Variants in KIFC1 observed in about 807,000 individuals in gnomAD.
The protein encoded by KIFC1 is kinesin-like protein KIFC1.
In KIFC1, 37 loss-of-function variants were observed where a neutral mutation model predicts 66.6. The observed-to-expected ratio is 0.56, with a 90% CI of 0.43 to 0.73. The LOEUF (loss-of-function observed/expected upper bound fraction) is 0.73. Ranked by LOEUF, KIFC1 falls within the 30% of genes least tolerant of loss-of-function variation. KIFC1 has a pLI of 0.00. For synonymous variants in KIFC1, 325 were observed against 343.5 expected, an observed-to-expected ratio of 0.95 and a Z score of 0.60; for missense variants, 721 against 859.8, an observed-to-expected ratio of 0.84 and a Z score of 2.02.
chr6:33,396,766 C>T (rs1447941277), intron 1 of KIFC1, among the ~76,000 whole-genome samples: 3 of 151,546 alleles, frequency 2.0e-5, no homozygotes, highest in Non-Finnish European at 2.9e-5. Context: ...ACTGCAAGCT[C>T]CGCCTCCCGG....
chr6:33,403,101 TG>T lies in KIFC1; in HGVS notation c.251-211del, dbSNP rs940017395. Among the ~76,000 whole-genome samples the T allele has an allele frequency of 2.6e-5, 4 of 152,128 alleles. No individual in the cohort carries two copies. The highest frequency in any genetic ancestry group is 4.4e-5 in the Non-Finnish European group (3 of 68,012). On this transcript the variant is annotated intron_variant, in intron 3 of 10. Coordinates refer to ENST00000428849, the MANE Select transcript of KIFC1 (RefSeq NM_002263.4). This position sits in a 1 kb window ranked among gnomAD's most constrained non-coding sequence, Gnocchi z 4.6. ...GGATTTTGGTATTCTTGGGGGGTGC[TG>T]GAATCAACCCCTTTTGGATACTGAG... is the stretch of plus-strand genomic sequence containing the variant.
At chr6:33,399,920 TACTATA>T (rs1775290751) in intron 3 of KIFC1, 2 of 550,434 alleles carry the variant, frequency 3.6e-6, no homozygotes, top group Admixed American at 3.4e-5. Flanking sequence ...AACCTTAGTT[TACTATA>T]ACTATTTTAC....
Position 33,406,664 on chromosome 6 carries a change from A to T in KIFC1, c.1900A>T (p.Met634Leu), listed in dbSNP as rs1382723395. 13 of 1,613,924 alleles carry T rather than the reference A, an allele frequency of 8.1e-6. No homozygotes were observed. Among genetic ancestry groups the T allele is most frequent in the Admixed American group, 1.7e-5 (1 of 59,992 alleles). The stretch of plus-strand genomic sequence containing the variant: ...GAACTCTCTGGGTGGTAGTGCTAAG[A>T]TGTGAGTGAAAGGGACAGATGGAAG... ...LQNSLGGSAK[M>L]LMFVNISPLE... The change falls in exon 9 of 11, where the codon ATG (methionine) becomes TTG (leucine). Residue 634 changes from methionine (M) to leucine (L), a missense_variant and splice_region_variant. By Grantham distance (15) the Met-to-Leu change is conservative. Transcript: ENST00000428849. The surrounding 1 kb of genome is among the most constrained non-coding windows in gnomAD (Gnocchi z 4.5).
rs777057855 is a variant in KIFC1 at position 33,404,143 on chromosome 6, T to C, written c.756+14T>C. On this transcript the variant is annotated intron_variant, in intron 6 of 10. Coordinates refer to ENST00000428849, the MANE Select transcript of KIFC1 (RefSeq NM_002263.4). This position sits in a 1 kb window ranked among gnomAD's most constrained non-coding sequence, Gnocchi z 4.0. ...GAGGAGAAGGAGGTAAGGGCCAGAT[T>C]TTCACCAGATGTCAGCCCCGCTTTC... is the stretch of plus-strand genomic sequence containing the variant. The C allele has an allele frequency of 6.3e-7, 1 of 1,592,724 alleles. No homozygotes were observed. The highest frequency in any genetic ancestry group is 8.6e-7 in the Non-Finnish European group (1 of 1,168,338).
Position 33,403,294 on chromosome 6 carries a change from C to T in KIFC1, c.251-20C>T, listed in dbSNP as rs367655955. ...TAAGAATGATCATTCTACCTTTGCTCTCTCCCATCTCCTGGGCAGCTCAAA... is the reference window on the plus strand; with the variant it reads ...TAAGAATGATCATTCTACCTTTGCTTTCTCCCATCTCCTGGGCAGCTCAAA... On this transcript the variant is annotated intron_variant, in intron 3 of 10. Transcript: ENST00000428849. This position sits in a 1 kb window ranked among gnomAD's most constrained non-coding sequence, Gnocchi z 4.6. The T allele has an allele frequency of 6.2e-6, 10 of 1,609,152 alleles. No homozygotes were observed. In the African/African-American group the frequency reaches 1.3e-4, roughly 22 times the overall value.
rs868290061 is a variant in KIFC1 at position 33,409,717 on chromosome 6, G to C, written c.*27G>C. On this transcript the variant is annotated 3_prime_UTR_variant, in exon 11 of 11. Transcript: ENST00000428849. ...GACGGATCCAGATCTGTGTGTGTGTGTGTGTGTGTGTGTGTGTGTGTGTGT... is the reference window on the plus strand; with the variant it reads ...GACGGATCCAGATCTGTGTGTGTGTCTGTGTGTGTGTGTGTGTGTGTGTGT... 0.032 allele frequency: 31,495 copies of C among 969,642 alleles called. 1,608 individuals are homozygous for C. The highest frequency in any genetic ancestry group is 0.037 in the Non-Finnish European group (24,561 of 670,058). The allele number at this position is 969,642 out of a possible 1,614,324, so 60.1% of individuals were successfully genotyped here.
At chr6:33,399,636 A>T (rs911161745) in intron 3 of KIFC1, among the ~76,000 whole-genome samples, 3 of 125,650 alleles carry the variant, frequency 2.4e-5, no homozygotes, top group Non-Finnish European at 5.9e-5. Flanking sequence ...AGGTAACATA[A>T]CACAGTGGTA....
chr6:33,395,535 T>C (rs921832517), intron 1 of KIFC1, among the ~76,000 whole-genome samples: 8 of 152,200 alleles, frequency 5.3e-5, no homozygotes, highest in African/African-American at 7.2e-5. Flanking sequence ...TCTGTTCTTA[T>C]AGAAGGTTAA....
Position 33,400,627 on chromosome 6 carries a change from C to A in KIFC1, c.250+2240C>A. On this transcript the variant is annotated intron_variant, in intron 3 of 10. Coordinates refer to ENST00000428849, the MANE Select transcript of KIFC1 (RefSeq NM_002263.4). The surrounding 1 kb of genome is among the most constrained non-coding windows in gnomAD (Gnocchi z 4.3). Reference sequence around the variant, plus strand: ...AAGAAAGTTGCACCTTGGCCTCCTCCGAGCCGAAAGCCGAGAGCTTCTCTC... The same window carrying A: ...AAGAAAGTTGCACCTTGGCCTCCTCAGAGCCGAAAGCCGAGAGCTTCTCTC... The A allele has an allele frequency of 1.3e-6, 1 of 770,632 alleles. No homozygotes were observed. The highest frequency in any genetic ancestry group is 1.6e-5 in the South Asian group (1 of 60,946). 47.7% of individuals were successfully genotyped at this position (770,632 alleles called of 1,614,324 possible).
At position 33,405,032 on chromosome 6, in the gene KIFC1, G is replaced by C; in HGVS notation, c.937G>C (p.Val313Leu). 1 of 1,614,146 alleles carries C rather than the reference G, an allele frequency of 6.2e-7. No individual in the cohort carries two copies. ...GCAGGAACTCAAGGGCAACATCCGTGTATTCTGCCGGGTCCGCCCTGTCCT... is the reference window on the plus strand; with the variant it reads ...GCAGGAACTCAAGGGCAACATCCGTCTATTCTGCCGGGTCCGCCCTGTCCT... Reference protein sequence around the residue: ...QLQELKGNIRVFCRVRPVLPG... With the variant: ...QLQELKGNIRLFCRVRPVLPG... Residue 313 changes from valine to leucine, a missense_variant, in exon 7 of 11, where the codon GTA becomes CTA. Physicochemically the swap from Val to Leu is conservative, Grantham distance 32. Transcript: ENST00000428849. The surrounding 1 kb of genome is among the most constrained non-coding windows in gnomAD (Gnocchi z 5.4).
Position 33,406,982 on chromosome 6 carries a change from G to A in KIFC1, c.1977+107G>A. 1 of 1,516,886 alleles carries A rather than the reference G, an allele frequency of 6.6e-7. No homozygotes were observed. Among genetic ancestry groups the A allele is most frequent in the Non-Finnish European group, 8.8e-7 (1 of 1,130,098 alleles). The allele number at this position is 1,516,886 out of a possible 1,614,324, so 94.0% of individuals were successfully genotyped here. A position where few individuals can be genotyped will look rare whatever the true frequency, so the allele number is the denominator to read the frequency against. The stretch of plus-strand genomic sequence containing the variant: ...GCAGGGAGCACATTTGTGCAGAAAG[G>A]TTTTGCAGGTATCTGAGGCACTGCT... On this transcript the variant is annotated intron_variant, in intron 10 of 10. Transcript: ENST00000428849. This position sits in a 1 kb window ranked among gnomAD's most constrained non-coding sequence, Gnocchi z 4.5.
intron 10 of KIFC1, chr6:33,407,090 TAAAA>T (rs35560427): frequency 7.7e-7 from 1 of 1,293,530 alleles, no homozygotes; most frequent in African/African-American, 1.6e-5. Flanking sequence ...GAAAGCTGAT[TAAAA>T]AAAAAAGAAA....
Position 33,404,275 on chromosome 6 carries a change from C to G in KIFC1, c.756+146C>G. ...TATAGGTGCTGCTGAAGATACCTCT[C>G]TCTTGACCTGTCTGCACCCCAGCCC... On this transcript the variant is annotated intron_variant, in intron 6 of 10. Coordinates refer to ENST00000428849, the MANE Select transcript of KIFC1 (RefSeq NM_002263.4). The surrounding 1 kb of genome is among the most constrained non-coding windows in gnomAD (Gnocchi z 4.0). 2 of 717,178 alleles carry G rather than the reference C, an allele frequency of 2.8e-6. 1 individual carries two copies. Among genetic ancestry groups the G allele is most frequent in the Non-Finnish European group, 4.4e-6 (2 of 449,820 alleles). 44.4% of individuals were successfully genotyped at this position (717,178 alleles called of 1,614,324 possible). A position where few individuals can be genotyped will look rare whatever the true frequency, so the allele number is the denominator to read the frequency against.
chr6:33,394,982 A>C (rs1478366446), intron 1 of KIFC1, among the ~76,000 whole-genome samples: 1 of 152,192 alleles, frequency 6.6e-6, no homozygotes, highest in African/African-American at 2.4e-5. Flanking sequence ...GGTCTCCTGG[A>C]AGCTAACTGA....
Position 33,405,722 on chromosome 6 carries a change from A to C in KIFC1, c.1536+91A>C, listed in dbSNP as rs1343661363. The C allele has an allele frequency of 1.6e-6, 2 of 1,288,706 alleles. No individual in the cohort carries two copies. Among genetic ancestry groups the C allele is most frequent in the Non-Finnish European group, 2.0e-6 (2 of 978,584 alleles). 79.8% of individuals were successfully genotyped at this position (1,288,706 alleles called of 1,614,324 possible). On this transcript the variant is annotated intron_variant, in intron 7 of 10. Transcript: ENST00000428849. This position sits in a 1 kb window ranked among gnomAD's most constrained non-coding sequence, Gnocchi z 5.4. Reference sequence around the variant, plus strand: ...GTAGAGGGAGAAAGGAGCAAGAGAGAATTGAAGGATGAAGTGCAAGTTATC... The same window carrying C: ...GTAGAGGGAGAAAGGAGCAAGAGAGCATTGAAGGATGAAGTGCAAGTTATC...
rs1364848829 is a variant in KIFC1, at chr6:33,400,685, C to T, written c.250+2298C>T. On this transcript the variant is annotated intron_variant, in intron 3 of 10. Transcript: ENST00000428849. This position sits in a 1 kb window ranked among gnomAD's most constrained non-coding sequence, Gnocchi z 4.3. ...TTTTTGAGATGGAGTCTCGCTCTGTCGCCCAGGCTGGAGTGCAGTGGCACA... is the reference window on the plus strand; with the variant it reads ...TTTTTGAGATGGAGTCTCGCTCTGTTGCCCAGGCTGGAGTGCAGTGGCACA... The T allele has an allele frequency of 5.1e-6, 3 of 592,938 alleles. No homozygotes were observed. The highest frequency in any genetic ancestry group is 1.9e-5 in the South Asian group (1 of 51,432). 36.7% of individuals were successfully genotyped at this position (592,938 alleles called of 1,614,324 possible).
At chr6:33,395,682 A>G (rs1453198470) in intron 1 of KIFC1, among the ~76,000 whole-genome samples, 1 of 152,228 alleles carries the variant, frequency 6.6e-6, no homozygotes, top group Non-Finnish European at 1.5e-5. Flanking sequence ...CTGAACCGGC[A>G]TAAATTCCAA....
At chr6:33,394,586 A>G (rs917682242) in intron 1 of KIFC1, among the ~76,000 whole-genome samples, 2 of 152,154 alleles carry the variant, frequency 1.3e-5, no homozygotes, top group Non-Finnish European at 2.9e-5. Context: ...GCTTCAAGCA[A>G]TCCTCCCACC....
intron 3 of KIFC1, among the ~76,000 whole-genome samples, chr6:33,402,755 A>C (rs1173190345): frequency 6.6e-6 from 1 of 151,834 alleles, no homozygotes; most frequent in Non-Finnish European, 1.5e-5. Context: ...ATGGAGGCCA[A>C]GGCAGGCAGA....
Sources: gnomAD v4.1 joint callset for allele counts (sites outside exome capture counted in the v4.1 genomes callset) on GRCh38, gnomAD v4.1.1 for gene constraint, Gnocchi (gnomAD v3.1) non-coding constraint, MANE v1.5 for transcripts, NCBI Gene and HGNC (gene_info 2026-07-23, HGNC 2026-07-21) for gene names.